MIA2: variants seen among roughly 807,000 people sequenced by gnomAD.
MIA2 encodes melanoma inhibitory activity protein 2.
A neutral mutation model predicts 167.8 loss-of-function variants in MIA2; 127 were observed. That is an observed-to-expected ratio of 0.76 (90% CI 0.66 to 0.88). The LOEUF (loss-of-function observed/expected upper bound fraction) is 0.88. MIA2 is among the 40% of genes least tolerant of loss of function. The pLI is 0.00. For synonymous variants in MIA2, 552 were observed against 541.9 expected, an observed-to-expected ratio of 1.02 and a Z score of -0.26; for missense variants, 1,690 against 1,624.7, an observed-to-expected ratio of 1.04 and a Z score of -0.69.
downstream of MIA2, chr14:39,351,039 G>A (rs1032570120): frequency 6.6e-6 from 1 of 151,974 alleles, no homozygotes; most frequent in Non-Finnish European, 1.5e-5. Context: ...CAGGATAACT[G>A]TAGTGAATGA....
rs1450510564 is a variant in MIA2 at position 39,324,845 on chromosome 14, G to A, written c.3497-2019G>A. ...TGGTTTCGAACTCCTCACCTCAGGT[G>A]ATCCGCCCACCTCGGCCTCCCAGAG... On this transcript the variant is annotated intron_variant, in intron 24 of 28. Coordinates refer to ENST00000640607, the MANE Select transcript of MIA2 (RefSeq NM_001329214.4). Among the ~76,000 whole-genome samples, 4 of 152,096 alleles carry A rather than the reference G, an allele frequency of 2.6e-5. No individual in the cohort carries two copies. In the East Asian group the frequency reaches 7.7e-4, roughly 29 times the overall value.
rs1337189598 is a variant in MIA2, at chr14:39,329,041, A to G, written c.3655+2019A>G. 9.2e-5 allele frequency among the ~76,000 whole-genome samples: 14 copies of G among 152,158 alleles called. 1 individual carries two copies. The highest frequency in any genetic ancestry group is 9.2e-4 in the Admixed American group (14 of 15,278). On this transcript the variant is annotated intron_variant, in intron 25 of 28. Coordinates refer to ENST00000640607, the MANE Select transcript of MIA2 (RefSeq NM_001329214.4). ...GCTTGATGGGAATAGCATTGAATCT[A>G]TAAATTACTTTGGGTAGTATGGCCA... is the stretch of plus-strand genomic sequence containing the variant.
At chr14:39,285,724 A>G (rs1263201196) in intron 9 of MIA2, among the ~76,000 whole-genome samples, 2 of 64,876 alleles carry the variant, frequency 3.1e-5, no homozygotes, top group South Asian at 5.1e-4. Flanking sequence ...CACTTCCCAG[A>G]CGGGGCAGCT....
intron 23 of MIA2, among the ~76,000 whole-genome samples, chr14:39,380,515 A>G (rs1336211038): frequency 6.6e-6 from 1 of 152,050 alleles, no homozygotes; most frequent in African/African-American, 2.4e-5. Context: ...CAACATGGTG[A>G]AACCCTATCT....
At position 39,321,113 on chromosome 14, in the gene MIA2, T is replaced by C. The variant is rs2066346781; in HGVS notation, c.3496+57T>C. The C allele has an allele frequency of 4.0e-6, 6 of 1,511,396 alleles. No homozygotes were observed. In the East Asian group the frequency reaches 1.1e-4, roughly 29 times the overall value. 93.6% of individuals were successfully genotyped at this position (1,511,396 alleles called of 1,614,324 possible). On this transcript the variant is annotated intron_variant, in intron 24 of 28. Coordinates refer to ENST00000640607, the MANE Select transcript of MIA2 (RefSeq NM_001329214.4). The stretch of plus-strand genomic sequence containing the variant: ...ATTTCTTCCTTACTTTATATTTTCA[T>C]CTCAACTTACCTTAAAAATGATCTG...
chr14:39,287,742 T>C (rs1471949131), intron 9 of MIA2, among the ~76,000 whole-genome samples: 1 of 152,050 alleles, frequency 6.6e-6, no homozygotes, highest in African/African-American at 2.4e-5. Flanking sequence ...TTTTGTATTT[T>C]GGTAGAGACG....
At chr14:39,364,108 C>G (rs904098553) in intron 23 of MIA2, among the ~76,000 whole-genome samples, 2 of 151,990 alleles carry the variant, frequency 1.3e-5, no homozygotes, top group African/African-American at 4.8e-5. Flanking sequence ...GCCTGTAATC[C>G]CAGCACTTTG....
chr14:39,266,275 G>A, intron 6 of MIA2: 2 of 982,778 alleles, frequency 2.0e-6, no homozygotes, highest in Non-Finnish European at 2.4e-6. Context: ...TATGAGATGG[G>A]TTATCCTTTA....
intron 17 of MIA2, among the ~76,000 whole-genome samples, 189 bp downstream of exon 17, chr14:39,304,570 A>G (rs2063032244): frequency 6.6e-6 from 1 of 152,098 alleles, no homozygotes; most frequent in African/African-American, 2.4e-5. Context: ...AGGCATATCG[A>G]TTTCCTCTGT....
rs572303001 is a variant in MIA2 at position 39,261,766 on chromosome 14, CTGTT to C, written c.1887+8596_1887+8599del. On this transcript the variant is annotated intron_variant, in intron 6 of 28. Transcript: ENST00000640607. The stretch of plus-strand genomic sequence containing the variant: ...TGATGATGAGCATTTTTTCATGTGT[CTGTT>C]GGCTGCATAAATGTCTTCTTTTGAG... Among the ~76,000 whole-genome samples, 247 of 152,234 alleles carry C rather than the reference CTGTT, an allele frequency of 1.6e-3. 1 individual carries two copies. The highest frequency in any genetic ancestry group is 5.6e-3 in the African/African-American group (232 of 41,526).
Position 39,327,017 on chromosome 14 carries a change from C to T in MIA2, c.3650C>T (p.Pro1217Leu), listed in dbSNP as rs149036910. Reference sequence around the variant, plus strand: ...CAGGACCGTAGGATGATGTTTCCTCCGCCAGGTATGTAAAGACAATAGTTA... The same window carrying T: ...CAGGACCGTAGGATGATGTTTCCTCTGCCAGGTATGTAAAGACAATAGTTA... Reference protein sequence around the residue: ...WDQDRRMMFPPPGQSYPDSAL... With the variant: ...WDQDRRMMFPLPGQSYPDSAL... The change falls in exon 25 of 29, where the codon CCG becomes CTG. Residue 1217 changes from proline (P) to leucine (L), a missense_variant. Transcript: ENST00000640607. The T allele has an allele frequency of 7.2e-5, 109 of 1,518,118 alleles. No individual in the cohort carries two copies. In the African/African-American group the frequency reaches 7.4e-4, roughly 10 times the overall value. The allele number at this position is 1,518,118 out of a possible 1,614,324, so 94.0% of individuals were successfully genotyped here. A position where few individuals can be genotyped will look rare whatever the true frequency, so the allele number is the denominator to read the frequency against.
rs757305309 is a variant in MIA2 at position 39,298,445 on chromosome 14, A to AAAAG, written c.2497-1419_2497-1418insAAAG. Among the ~76,000 whole-genome samples, 66 of 101,306 alleles carry AAAAG rather than the reference A, an allele frequency of 6.5e-4. 2 individuals are homozygous for AAAAG. The highest frequency in any genetic ancestry group is 2.2e-3 in the African/African-American group (64 of 29,518). The allele number at this position is 101,306 out of a possible 152,430, so 66.5% of individuals were successfully genotyped here. ...TATATATATATATATATATATATAA[A>AAAAG]GATTAGTTTTTCATGTGTTCGGAAT... On this transcript the variant is annotated intron_variant, in intron 13 of 28. Coordinates refer to ENST00000640607, the MANE Select transcript of MIA2 (RefSeq NM_001329214.4).
intron 7 of MIA2, 43 bp from the exon 8 acceptor site, chr14:39,279,294 G>T (rs1256883272): frequency 6.5e-7 from 1 of 1,540,596 alleles, no homozygotes; most frequent in Non-Finnish European, 8.9e-7. Flanking sequence ...TTACTTGAGA[G>T]CGTATTTGTT....
At chr14:39,357,641 C>T (rs1490346479) in intron 23 of MIA2, among the ~76,000 whole-genome samples, 1 of 152,162 alleles carries the variant, frequency 6.6e-6, no homozygotes, top group Non-Finnish European at 1.5e-5. Context: ...CACTTTCTTC[C>T]TAGCCTCGAT....
At chr14:39,354,663 A>G (rs1297728791), downstream of MIA2, among the ~76,000 whole-genome samples, 2 of 152,122 alleles carry the variant, frequency 1.3e-5, no homozygotes, top group African/African-American at 2.4e-5. Flanking sequence ...GGTATTGCCT[A>G]GGTTTTCTTC....
At chr14:39,304,427 C>A (rs1297192527) in intron 17 of MIA2, 46 bp downstream of exon 17, 2 of 1,006,938 alleles carry the variant, frequency 2.0e-6, no homozygotes, top group Non-Finnish European at 1.5e-6. Flanking sequence ...TAAGTAAGTA[C>A]ATCTCTTGGC....
In MIA2 at chr14:39,252,874, A is replaced by T. The variant is rs1443525044; in HGVS notation, c.1694A>T (p.Glu565Val). Residue 565 changes from glutamate (E) to valine (V), a missense_variant, in exon 5 of 29, where the codon GAG (glutamate) becomes GTG (valine). By Grantham distance (121) the Glu-to-Val change is moderately radical. Transcript: ENST00000640607. ...GACACCGAAGGGCCTGCTCTGGTGGAGATAGACAGATCTGTGGAAAATACC... is the reference window on the plus strand; with the variant it reads ...GACACCGAAGGGCCTGCTCTGGTGGTGATAGACAGATCTGTGGAAAATACC... The part of the protein sequence containing the change: ...SVDTEGPALV[E>V]IDRSVENTLL... The T allele has an allele frequency of 1.2e-6, 2 of 1,613,936 alleles. No homozygotes were observed. The highest frequency in any genetic ancestry group is 2.2e-5 in the South Asian group (2 of 91,080).
At position 39,297,141 on chromosome 14, in the gene MIA2, C is replaced by T. The variant is rs149163678; in HGVS notation, c.2496+2112C>T. 3.1e-3 allele frequency among the ~76,000 whole-genome samples: 459 copies of T among 149,836 alleles called. 3 individuals are homozygous for T. Among genetic ancestry groups the T allele is most frequent in the African/African-American group, 0.01 (421 of 40,596 alleles). On this transcript the variant is annotated intron_variant, in intron 13 of 28. Coordinates refer to ENST00000640607, the MANE Select transcript of MIA2 (RefSeq NM_001329214.4). ...ACAGAGTCTCACTTTGTCACCCAGT[C>T]TGGAGTTCATGGCGCTATCTCAGCT...
intron 13 of MIA2, among the ~76,000 whole-genome samples, chr14:39,296,623 T>C (rs1051924479): frequency 1.4e-5 from 2 of 147,220 alleles, no homozygotes; most frequent in Non-Finnish European, 3.0e-5. Flanking sequence ...TTTTTTTTAA[T>C]TTTTATTTTT....
Sources: allele counts gnomAD v4.1 joint callset (sites outside exome capture counted in the v4.1 genomes callset), GRCh38; gene constraint gnomAD v4.1.1; transcripts MANE v1.5; gene names NCBI Gene and HGNC (gene_info 2026-07-23, HGNC 2026-07-21).